The following RAD18 variants were observed in gnomAD, a reference collection of about 807,000 sequenced individuals.
RAD18 encodes the protein E3 ubiquitin-protein ligase RAD18.
In RAD18, 47 loss-of-function variants were observed where a neutral mutation model predicts 60.4. The ratio of observed to expected loss-of-function variants is 0.78; its 90% CI spans 0.62 to 0.99. RAD18 has a LOEUF of 0.99. Ranked by LOEUF, RAD18 falls within the 50% of genes least tolerant of loss-of-function variation. The pLI is 0.00. For synonymous variants in RAD18, 225 were observed against 195.5 expected (o/e 1.15, Z -1.26); for missense variants, 640 against 593.3 (o/e 1.08, Z -0.82).
chr3:8,941,430 G>A, intron 5 of RAD18, 37 bp downstream of exon 5: 1 of 1,474,784 alleles, frequency 6.8e-7, no homozygotes, highest in Non-Finnish European at 9.3e-7. Context: ...TGGATGAAAA[G>A]ATGTCCATAT....
chr3:8,928,049 T>TGAA (rs1443978506), intron 7 of RAD18, among the ~76,000 whole-genome samples: 2,050 of 121,654 alleles, frequency 0.017, 47 homozygotes, highest in African/African-American at 0.055. Context: ...CCCTAAAACT[T>TGAA]AAAAAAAAAA....
chr3:8,913,614 T>G (rs570950643), intron 8 of RAD18, 30 bp downstream of exon 8: 1 of 1,428,574 alleles, frequency 7.0e-7, no homozygotes, highest in African/African-American at 1.5e-5. Context: ...TTCATTTCTA[T>G]CCATATACTG....
chr3:8,885,879 A>T (rs185138862), intron 12 of RAD18, among the ~76,000 whole-genome samples: 22 of 152,354 alleles, frequency 1.4e-4, no homozygotes, highest in Middle Eastern at 3.4e-3. Flanking sequence ...TAGGACATAA[A>T]GGCACCCAAC....
At chr3:8,893,402 G>A (rs1939725921) in intron 11 of RAD18, among the ~76,000 whole-genome samples, 1 of 151,934 alleles carries the variant, frequency 6.6e-6, no homozygotes, top group South Asian at 2.1e-4. Context: ...ACTCTTCAAG[G>A]GTAGATCACT....
At position 8,941,601 on chromosome 3, in the gene RAD18, A is replaced by C. The variant is rs1349910708; in HGVS notation, c.470T>G (p.Phe157Cys). 6.2e-7 allele frequency: 1 copy of C among 1,614,004 alleles called. No individual in the cohort carries two copies. Among genetic ancestry groups the C allele is most frequent in the African/African-American group, 1.3e-5 (1 of 74,882 alleles). Residue 157 changes from phenylalanine (F) to cysteine (C), a missense_variant, in exon 5 of 13, where the codon TTC (phenylalanine) becomes TGC (cysteine). Transcript: ENST00000264926. ...ELLIKENKSK[F>C]SPQKEASPAA... ...AGGGCTCGCCTCTTTTTGAGGGCTG[A>C]ATTTGCTTTTATTTTCTTTTATCAA...
At chr3:8,948,899 A>AG (rs1940882147) in intron 2 of RAD18, among the ~76,000 whole-genome samples, 1 of 152,214 alleles carries the variant, frequency 6.6e-6, no homozygotes, top group Non-Finnish European at 1.5e-5. Context: ...TCTACTGCTT[A>AG]TCATTTGAAA....
intron 2 of RAD18, 108 bp from the exon 3 acceptor site, chr3:8,948,678 A>G: frequency 1.1e-6 from 1 of 873,218 alleles, no homozygotes; most frequent in Non-Finnish European, 1.8e-6. Context: ...CATCTAAGGT[A>G]TATCATCATA....
At chr3:8,958,243 G>A (rs776453319) in intron 2 of RAD18, among the ~76,000 whole-genome samples, 1 of 152,172 alleles carries the variant, frequency 6.6e-6, no homozygotes, top group Non-Finnish European at 1.5e-5. Context: ...TAAGTTGACT[G>A]TTTTTAACTT....
intron 7 of RAD18, among the ~76,000 whole-genome samples, chr3:8,915,684 C>T (rs537713362): frequency 1.5e-4 from 23 of 151,628 alleles, no homozygotes; most frequent in South Asian, 2.1e-4. Flanking sequence ...TCCGGGTTCA[C>T]GCCATTCTCC....
intron 11 of RAD18, among the ~76,000 whole-genome samples, chr3:8,891,173 G>T (rs1355472058): frequency 6.6e-6 from 1 of 151,686 alleles, no homozygotes; most frequent in African/African-American, 2.4e-5. Context: ...CCACCCTTTG[G>T]GGGTGATACT....
chr3:8,918,244 G>A (rs1055333730), intron 7 of RAD18, among the ~76,000 whole-genome samples: 2 of 147,764 alleles, frequency 1.4e-5, no homozygotes, highest in Admixed American at 7.0e-5. Context: ...CTTGAATCCA[G>A]GAGGAGGAGG....
At chr3:8,927,495 A>T (rs571395148) in intron 7 of RAD18, among the ~76,000 whole-genome samples, 1 of 152,360 alleles carries the variant, frequency 6.6e-6, no homozygotes, top group Non-Finnish European at 1.5e-5. Context: ...TGTAGAAGTC[A>T]GTGTGGCAAT....
chr3:8,881,718 G>A (rs868629669), intron 12 of RAD18, among the ~76,000 whole-genome samples: 1 of 152,148 alleles, frequency 6.6e-6, no homozygotes. Flanking sequence ...TGTTTAGCAT[G>A]TAGAGGGCTG....
At chr3:8,899,561 TA>T (rs781102583) in intron 10 of RAD18, among the ~76,000 whole-genome samples, 6 of 152,234 alleles carry the variant, frequency 3.9e-5, no homozygotes, top group Non-Finnish European at 8.8e-5. Flanking sequence ...ACATAAGGAA[TA>T]TTTCCATTTG....
In RAD18 at chr3:8,952,596, A is replaced by G. The variant is rs1940944141; in HGVS notation, c.134-4026T>C. ...AGTTGTCACTATTAAGTTGAATTAT[A>G]TGAAACTGACATTTTTGGTTAAGTC... On this transcript the variant is annotated intron_variant, in intron 2 of 12. Coordinates refer to ENST00000264926, the MANE Select transcript of RAD18 (RefSeq NM_020165.4). Among the ~76,000 whole-genome samples, 3 of 152,212 alleles carry G rather than the reference A, an allele frequency of 2.0e-5. No homozygotes were observed. The South Asian group carries it at 6.2e-4, about 31-fold the overall frequency.
At chr3:8,959,095 C>A in intron 1 of RAD18, 94 bp from the exon 2 acceptor site, 1 of 923,122 alleles carries the variant, frequency 1.1e-6, no homozygotes, top group Non-Finnish European at 1.8e-6. Context: ...AAAAAAAAAT[C>A]AAACTCTTTG....
intron 7 of RAD18, among the ~76,000 whole-genome samples, chr3:8,914,139 T>C (rs1004023900): frequency 1.3e-5 from 2 of 152,200 alleles, no homozygotes; most frequent in Non-Finnish European, 2.9e-5. Flanking sequence ...GGTCTACAAA[T>C]ACCAGGAAAA....
At position 8,948,506 on chromosome 3, in the gene RAD18, C is replaced by T. The variant is rs1259549428; in HGVS notation, c.195+3G>A. 1 of 1,610,586 alleles carries T rather than the reference C, an allele frequency of 6.2e-7. No homozygotes were observed. Among genetic ancestry groups the T allele is most frequent in the Non-Finnish European group, 8.5e-7 (1 of 1,177,598 alleles). ...GTTTTAAAAAAAGGAAACAAAAACT[C>T]ACCACACAGCAAGTTGGACACTGAG... On this transcript the variant is annotated splice_donor_region_variant and intron_variant, in intron 3 of 12. Coordinates refer to ENST00000264926, the MANE Select transcript of RAD18 (RefSeq NM_020165.4).
intron 6 of RAD18, among the ~76,000 whole-genome samples, chr3:8,936,932 T>C (rs1940664308): frequency 6.6e-6 from 1 of 152,172 alleles, no homozygotes; most frequent in South Asian, 2.1e-4. Flanking sequence ...AGAGAAATAT[T>C]ACAGTCAGGT....
Sources: gnomAD v4.1 joint callset for allele counts (sites outside exome capture counted in the v4.1 genomes callset) on GRCh38, gnomAD v4.1.1 for gene constraint, MANE v1.5 for transcripts, NCBI Gene and HGNC (gene_info 2026-07-23, HGNC 2026-07-21) for gene names.